Variants in CYP7B1 observed in about 807,000 individuals in gnomAD.
CYP7B1 encodes cytochrome P450 family 7 subfamily B member 1, also known as cytochrome P450 7B1.
A neutral mutation model predicts 42.7 loss-of-function variants in CYP7B1; 29 were observed. The ratio of observed to expected loss-of-function variants is 0.68; its 90% CI spans 0.51 to 0.93. The LOEUF is 0.93. CYP7B1 is among the 40% of genes least tolerant of loss of function. CYP7B1 has a pLI of 0.00. For synonymous variants in CYP7B1, 235 were observed against 218.2 expected (o/e 1.08, Z -0.68); for missense variants, 655 against 600.5 (o/e 1.09, Z -0.95).
At chr8:64,610,592 GCTCT>G (rs1464450361) in intron 4 of CYP7B1, among the ~76,000 whole-genome samples, 2 of 152,054 alleles carry the variant, frequency 1.3e-5, no homozygotes, top group East Asian at 1.9e-4. Flanking sequence ...ATATAGGAAT[GCTCT>G]CTATTATCTT....
At chr8:64,682,293 G>A (rs1806550697) in intron 1 of CYP7B1, among the ~76,000 whole-genome samples, 1 of 152,222 alleles carries the variant, frequency 6.6e-6, no homozygotes, top group Non-Finnish European at 1.5e-5. Context: ...GATGAAGCCA[G>A]GTTGTGAAGC....
At chr8:64,622,243 G>A (rs1805542479) in intron 2 of CYP7B1, among the ~76,000 whole-genome samples, 1 of 151,978 alleles carries the variant, frequency 6.6e-6, no homozygotes, top group African/African-American at 2.4e-5. Flanking sequence ...TTAAGTCACT[G>A]TAGTTTCCAA....
chr8:64,679,142 T>C (rs1806497033), intron 1 of CYP7B1, among the ~76,000 whole-genome samples: 1 of 152,208 alleles, frequency 6.6e-6, no homozygotes, highest in Non-Finnish European at 1.5e-5. Flanking sequence ...TCAGACAGCA[T>C]GCTAGCTTGA....
chr8:64,631,659 G>C (rs1041437590), intron 1 of CYP7B1, among the ~76,000 whole-genome samples: 23 of 152,052 alleles, frequency 1.5e-4, no homozygotes, highest in African/African-American at 5.6e-4. Flanking sequence ...AAATATTTGT[G>C]AACCACATAT....
intron 2 of CYP7B1, among the ~76,000 whole-genome samples, chr8:64,622,793 C>T (rs1435281042): frequency 6.6e-6 from 1 of 152,130 alleles, no homozygotes; most frequent in Non-Finnish European, 1.5e-5. Flanking sequence ...GATGGAGTGT[C>T]TTGAACATTC....
intron 1 of CYP7B1, among the ~76,000 whole-genome samples, chr8:64,793,684 A>C (rs1468452102): frequency 1.3e-5 from 2 of 152,102 alleles, no homozygotes; most frequent in Non-Finnish European, 2.9e-5. Context: ...TGGAAATGAT[A>C]ATTTAAAACA....
At chr8:64,681,526 T>C (rs1806538196) in intron 1 of CYP7B1, among the ~76,000 whole-genome samples, 1 of 152,114 alleles carries the variant, frequency 6.6e-6, no homozygotes, top group Non-Finnish European at 1.5e-5. Flanking sequence ...ACTTCCAAGG[T>C]TAGTTTATAA....
Position 64,699,759 on chromosome 8 carries a change from T to G in CYP7B1, c.123-75220A>C, listed in dbSNP as rs183650392. Among the ~76,000 whole-genome samples, 6 of 152,200 alleles carry G rather than the reference T, an allele frequency of 3.9e-5. No homozygotes were observed. The East Asian group carries it at 1.2e-3, about 29-fold the overall frequency. On this transcript the variant is annotated intron_variant, in intron 1 of 5. Transcript: ENST00000310193. Reference sequence around the variant, plus strand: ...GCATTATTTTAATTTTAAAAAAAATTACTGGAAAACCCTCATAATGCATAA... The same window carrying G: ...GCATTATTTTAATTTTAAAAAAAATGACTGGAAAACCCTCATAATGCATAA...
At chr8:64,661,074 C>T (rs574451817) in intron 1 of CYP7B1, among the ~76,000 whole-genome samples, 102 of 152,300 alleles carry the variant, frequency 6.7e-4, no homozygotes, top group African/African-American at 2.1e-3. Context: ...ATGTATATAA[C>T]TTGCAGCTCT....
chr8:64,711,228 C>T (rs1227057466), intron 1 of CYP7B1, among the ~76,000 whole-genome samples: 1 of 152,212 alleles, frequency 6.6e-6, no homozygotes, highest in African/African-American at 2.4e-5. Flanking sequence ...CAGCTCAGCA[C>T]AGAGAGATCT....
At chr8:64,683,880 C>T (rs1006558514) in intron 1 of CYP7B1, among the ~76,000 whole-genome samples, 11 of 152,088 alleles carry the variant, frequency 7.2e-5, no homozygotes, top group African/African-American at 2.2e-4. Context: ...TTCTTGGGCC[C>T]GGAATGTTGT....
At chr8:64,739,181 G>T (rs560925274) in intron 1 of CYP7B1, among the ~76,000 whole-genome samples, 2 of 152,168 alleles carry the variant, frequency 1.3e-5, no homozygotes, top group African/African-American at 4.8e-5. Context: ...TCTCACCTAA[G>T]GGAATTGAGG....
chr8:64,748,593 A>T (rs1807681302), intron 1 of CYP7B1, among the ~76,000 whole-genome samples: 1 of 152,106 alleles, frequency 6.6e-6, no homozygotes, highest in Non-Finnish European at 1.5e-5. Flanking sequence ...CTTTCCTCTG[A>T]CTTTCACAAT....
chr8:64,753,419 G>A (rs1435286608), intron 1 of CYP7B1, among the ~76,000 whole-genome samples: 2 of 152,082 alleles, frequency 1.3e-5, no homozygotes, highest in African/African-American at 4.8e-5. Flanking sequence ...TACTAAGCAA[G>A]TATATGTAGA....
chr8:64,732,902 C>A (rs193159019), intron 1 of CYP7B1: 5 of 152,696 alleles, frequency 3.3e-5, no homozygotes, highest in African/African-American at 1.2e-4. Context: ...TCCCCTTCCA[C>A]CATGATTGTT....
At chr8:64,775,938 G>C (rs1284367819) in intron 1 of CYP7B1, among the ~76,000 whole-genome samples, 2 of 152,148 alleles carry the variant, frequency 1.3e-5, no homozygotes, top group South Asian at 2.1e-4. Context: ...TTCATTTACA[G>C]ATGAGAAAAC....
chr8:64,652,597 C>A (rs1428914798), intron 1 of CYP7B1, among the ~76,000 whole-genome samples: 1 of 152,180 alleles, frequency 6.6e-6, no homozygotes, highest in African/African-American at 2.4e-5. Context: ...GTAATTCCAG[C>A]ACTTTGGGAG....
chr8:64,739,554 A>G (rs1335138938), intron 1 of CYP7B1, among the ~76,000 whole-genome samples: 2 of 152,246 alleles, frequency 1.3e-5, no homozygotes, highest in Admixed American at 6.5e-5. Context: ...AAAACAGAAT[A>G]GGCCATGAAA....
At chr8:64,771,045 A>ATTTTTTTTTTTTTTTT (rs1308107007) in intron 1 of CYP7B1, among the ~76,000 whole-genome samples, 3 of 40,492 alleles carry the variant, frequency 7.4e-5, no homozygotes, top group African/African-American at 8.3e-5. Context: ...GGATATCAGC[A>ATTTTTTTTTTTTTTTT]TCTTTTTTTT....
Sources: gnomAD v4.1 joint callset for allele counts (sites outside exome capture counted in the v4.1 genomes callset) on GRCh38, gnomAD v4.1.1 for gene constraint, MANE v1.5 for transcripts, NCBI Gene and HGNC (gene_info 2026-07-23, HGNC 2026-07-21) for gene names.